CASTOR2: variants seen among roughly 807,000 people sequenced by gnomAD.
CASTOR2 encodes GATS protein like 2.
Under a neutral mutation model 31.2 loss-of-function variants are expected in CASTOR2, and 8 were observed. The ratio of observed to expected loss-of-function variants is 0.26; its 90% CI spans 0.15 to 0.46. The LOEUF is 0.46. Among genes scored for constraint, CASTOR2 ranks in the 20% least tolerant of loss-of-function variants. The pLI, the probability that CASTOR2 is intolerant of heterozygous loss-of-function variation, is 0.99. For synonymous variants in CASTOR2, 162 were observed against 158.7 expected (o/e 1.02, Z -0.16); for missense variants, 216 against 382.1 (o/e 0.57, Z 3.62).
chr7:74,990,239 T>G (rs1554437166), intron 1 of CASTOR2, among the ~76,000 whole-genome samples: 1 of 151,782 alleles, frequency 6.6e-6, no homozygotes, highest in Non-Finnish European at 1.5e-5. Flanking sequence ...ATACAAAAAA[T>G]TAGCCGGGCA....
chr7:75,019,357 A>G (rs1197805369), intron 5 of CASTOR2, among the ~76,000 whole-genome samples: 3 of 151,786 alleles, frequency 2.0e-5, no homozygotes, highest in Non-Finnish European at 2.9e-5. Flanking sequence ...TGGGGGACAC[A>G]TGGACCCTCC....
At chr7:74,989,577 T>A (rs1225989319) in intron 1 of CASTOR2, among the ~76,000 whole-genome samples, 1 of 84,144 alleles carries the variant, frequency 1.2e-5, no homozygotes, top group Non-Finnish European at 3.1e-5. Context: ...TGTGTCCGCC[T>A]ATTTTTTTTT....
intron 1 of CASTOR2, among the ~76,000 whole-genome samples, chr7:74,990,382 C>A (rs1475936413): frequency 2.8e-4 from 39 of 140,364 alleles, no homozygotes; most frequent in Admixed American, 5.7e-4. Flanking sequence ...GACTCTATCT[C>A]AAAAAAAAAA....
At chr7:75,004,832 C>T (rs1250114263) in intron 1 of CASTOR2, among the ~76,000 whole-genome samples, 3 of 151,898 alleles carry the variant, frequency 2.0e-5, no homozygotes, top group Non-Finnish European at 4.4e-5. Context: ...GCAGATAGTT[C>T]TTTGGGTTTT....
chr7:74,971,157 G>A (rs1349188669), intron 1 of CASTOR2, among the ~76,000 whole-genome samples: 3 of 141,608 alleles, frequency 2.1e-5, no homozygotes, highest in Admixed American at 7.2e-5. Context: ...CACCATGCCC[G>A]GCTAATTTTG....
At chr7:74,985,585 C>CAAA (rs782053038) in intron 1 of CASTOR2, among the ~76,000 whole-genome samples, 1,349 of 67,278 alleles carry the variant, frequency 0.02, 61 homozygotes, top group Non-Finnish European at 0.027. Flanking sequence ...CAGCCTGGCT[C>CAAA]AAAAAAAAAA....
chr7:74,987,737 C>A (rs1406965844), intron 1 of CASTOR2, among the ~76,000 whole-genome samples: 2 of 151,750 alleles, frequency 1.3e-5, no homozygotes, highest in Non-Finnish European at 2.9e-5. Flanking sequence ...TATTTTTTTT[C>A]GAGACAGAGC....
rs1458046962 is a variant in CASTOR2 at position 75,027,301 on chromosome 7, TTCCCCAGGCAAGA to T, written c.*2607_*2619del. 6.6e-6 allele frequency: 1 copy of T among 152,542 alleles called. No individual in the cohort carries two copies. The highest frequency in any genetic ancestry group is 2.4e-5 in the African/African-American group (1 of 41,418). 9.4% of individuals were successfully genotyped at this position (152,542 alleles called of 1,614,324 possible). On this transcript the variant is annotated 3_prime_UTR_variant, in exon 9 of 9. Transcript: ENST00000616305. ...TGGGTCATGCCTTCTGCACCCCACT[TTCCCCAGGCAAGA>T]TCCCTGGGCGCCCTTATTTGGGGGG...
chr7:75,018,654 A>G (rs1426320930), intron 4 of CASTOR2, among the ~76,000 whole-genome samples: 143 of 152,334 alleles, frequency 9.4e-4, no homozygotes, highest in African/African-American at 3.3e-3. Flanking sequence ...GCTGCAGCCC[A>G]GGTGTCAGGG....
intron 1 of CASTOR2, among the ~76,000 whole-genome samples, chr7:74,984,217 G>A (rs1804012173): frequency 6.7e-6 from 1 of 149,890 alleles, no homozygotes. Flanking sequence ...AGTTTCTGGG[G>A]CATTGAGACT....
At chr7:75,020,218 G>GCCAT in intron 6 of CASTOR2, 69 bp downstream of exon 6, 1 of 1,309,624 alleles carries the variant, frequency 7.6e-7, no homozygotes, top group Non-Finnish European at 1.1e-6. Flanking sequence ...CTATGTGATG[G>GCCAT]CACATCACCC....
intron 1 of CASTOR2, among the ~76,000 whole-genome samples, chr7:74,982,375 C>T: frequency 6.6e-6 from 1 of 151,748 alleles, no homozygotes; most frequent in Non-Finnish European, 1.5e-5. Context: ...TAACCTGCCC[C>T]AGCCACCCAG....
chr7:75,024,482 C>T lies in CASTOR2; in HGVS notation c.872C>T (p.Ala291Val). ...GCCCAGATCTCAGAGCCCTTGGCTGCTGCAGACATCCCAGCCTACTACATC... is the reference window on the plus strand; with the variant it reads ...GCCCAGATCTCAGAGCCCTTGGCTGTTGCAGACATCCCAGCCTACTACATC... ...IVAQISEPLA[A>V]ADIPAYYIST... The change falls in exon 8 of 9, where the codon GCT becomes GTT. Residue 291 changes from alanine to valine, a missense_variant. Physicochemically the swap from Ala to Val is moderately conservative, Grantham distance 64. This residue lies in a region of CASTOR2 where 22 missense variants were observed against 66.4 expected (regional missense o/e 0.33). Coordinates refer to ENST00000616305, the MANE Select transcript of CASTOR2 (RefSeq NM_001145064.3). 6.4e-7 allele frequency: 1 copy of T among 1,551,542 alleles called. No homozygotes were observed. The highest frequency in any genetic ancestry group is 1.2e-5 in the South Asian group (1 of 84,054).
Position 75,025,119 on chromosome 7 carries a change from C to T in CASTOR2, c.*420C>T, listed in dbSNP as rs1231457407. Among the ~76,000 whole-genome samples, 4 of 152,188 alleles carry T rather than the reference C, an allele frequency of 2.6e-5. No homozygotes were observed. Among genetic ancestry groups the T allele is most frequent in the South Asian group, 2.1e-4 (1 of 4,828 alleles). On this transcript the variant is annotated 3_prime_UTR_variant, in exon 9 of 9. Transcript: ENST00000616305. ...AGGGCTGGGGCTGGCGGGGTGGGGC[C>T]GAGTTTGGGGTGCCCTGGAGGGTTT...
At chr7:74,997,246 A>G (rs1243967247) in intron 1 of CASTOR2, among the ~76,000 whole-genome samples, 3 of 151,472 alleles carry the variant, frequency 2.0e-5, no homozygotes, top group Admixed American at 6.6e-5. Flanking sequence ...TATTTTTTGT[A>G]GAGACAGGAT....
intron 5 of CASTOR2, 45 bp from the exon 6 acceptor site, chr7:75,019,994 G>A: frequency 6.5e-7 from 1 of 1,537,082 alleles, no homozygotes; most frequent in Non-Finnish European, 8.8e-7. Flanking sequence ...GAATGGGGCA[G>A]GGGCCACAGG....
At chr7:75,007,962 A>G in intron 1 of CASTOR2, 32 bp from the exon 2 acceptor site, 2 of 1,613,874 alleles carry the variant, frequency 1.2e-6, no homozygotes, top group Non-Finnish European at 1.7e-6. Flanking sequence ...GCCTGGACTA[A>G]TGAGATATTC....
intron 1 of CASTOR2, among the ~76,000 whole-genome samples, chr7:75,002,113 A>G (rs1202233071): frequency 1.3e-5 from 2 of 151,770 alleles, no homozygotes; most frequent in African/African-American, 4.8e-5. Flanking sequence ...TTTAGTAGAG[A>G]CAGGGTTTCA....
At position 75,027,927 on chromosome 7, in the gene CASTOR2, T is replaced by C; in HGVS notation, c.*3228T>C. On this transcript the variant is annotated 3_prime_UTR_variant, in exon 9 of 9. Transcript: ENST00000616305. ...CTGGTCTGCTGGGTGGGAGGGTCTCTCCAGGCCCCAGACCCCACTTGGAGG... is the reference window on the plus strand; with the variant it reads ...CTGGTCTGCTGGGTGGGAGGGTCTCCCCAGGCCCCAGACCCCACTTGGAGG... 7.8e-7 allele frequency: 1 copy of C among 1,280,098 alleles called. No homozygotes were observed. The highest frequency in any genetic ancestry group is 1.3e-5 in the South Asian group (1 of 78,848). 79.3% of individuals were successfully genotyped at this position (1,280,098 alleles called of 1,614,324 possible).
Sources: allele counts gnomAD v4.1 joint callset (sites outside exome capture counted in the v4.1 genomes callset), GRCh38; gene constraint gnomAD v4.1.1; regional missense constraint gnomAD v4.1.1; transcripts MANE v1.5; gene names NCBI Gene and HGNC (gene_info 2026-07-23, HGNC 2026-07-21).